The following TRPC4 variants were observed in gnomAD, a reference collection of about 807,000 sequenced individuals.
The protein encoded by TRPC4 is transient receptor potential cation channel subfamily C member 4.
In TRPC4, 49 loss-of-function variants were observed where a neutral mutation model predicts 99.4. That is an observed-to-expected ratio of 0.49 (90% CI 0.39 to 0.63). The LOEUF is 0.63. Ranked by LOEUF, TRPC4 falls within the 20% of genes least tolerant of loss-of-function variation. The pLI, the probability that TRPC4 is intolerant of heterozygous loss-of-function variation, is 0.00. For synonymous variants in TRPC4, 454 were observed against 425.9 expected (o/e 1.07, Z -0.81); for missense variants, 898 against 1,152.9 (o/e 0.78, Z 3.20).
chr13:37,804,868 A>C (rs1239440680), intron 1 of TRPC4, among the ~76,000 whole-genome samples: 1 of 152,078 alleles, frequency 6.6e-6, no homozygotes, highest in Non-Finnish European at 1.5e-5. Flanking sequence ...AAAGACACAT[A>C]AAAGATAATT....
intron 3 of TRPC4, among the ~76,000 whole-genome samples, chr13:37,709,832 A>G (rs1326635728): frequency 6.6e-6 from 1 of 152,028 alleles, no homozygotes; most frequent in Non-Finnish European, 1.5e-5. Context: ...TTTCTGGTAC[A>G]AGGAATATTT....
At chr13:37,706,342 T>A (rs1566110610) in intron 3 of TRPC4, among the ~76,000 whole-genome samples, 1 of 152,172 alleles carries the variant, frequency 6.6e-6, no homozygotes, top group Non-Finnish European at 1.5e-5. Flanking sequence ...AAGTTACACA[T>A]ATAATTAGCT....
chr13:37,835,751 C>A (rs767589352), intron 1 of TRPC4, among the ~76,000 whole-genome samples: 2 of 152,184 alleles, frequency 1.3e-5, no homozygotes, highest in Non-Finnish European at 2.9e-5. Flanking sequence ...ACATAAGGTG[C>A]ATGACATTAG....
intron 3 of TRPC4, among the ~76,000 whole-genome samples, chr13:37,745,456 A>ATATGCGTG (rs1289179797): frequency 1.0e-3 from 3 of 3,014 alleles, no homozygotes; most frequent in African/African-American, 1.6e-3. Context: ...ATATATATAT[A>ATATGCGTG]TATATATATA....
At position 37,733,476 on chromosome 13, in the gene TRPC4, G is replaced by A. The variant is rs143279535; in HGVS notation, c.897+12461C>T. ...ACTCAGATTTCTAACATGAATAACC[G>A]GGAGTGCCTCCTACTTTAACAGAGA... On this transcript the variant is annotated intron_variant, in intron 3 of 10. Coordinates refer to ENST00000379705, the MANE Select transcript of TRPC4 (RefSeq NM_016179.4). Among the ~76,000 whole-genome samples the A allele has an allele frequency of 7.0e-3, 1,070 of 152,186 alleles. 8 individuals are homozygous for A. The highest frequency in any genetic ancestry group is 0.028 in the South Asian group (136 of 4,822).
Position 37,651,542 on chromosome 13 carries a change from C to T in TRPC4, c.1885-83G>A, listed in dbSNP as rs1010411038. On this transcript the variant is annotated intron_variant, in intron 7 of 10. Coordinates refer to ENST00000379705, the MANE Select transcript of TRPC4 (RefSeq NM_016179.4). ...ATCTCACAGAGATCCTGTAACCTGA[C>T]TTCAAGCGGCTCTTGGAACATTAAT... is the stretch of plus-strand genomic sequence containing the variant. 1.5e-5 allele frequency: 18 copies of T among 1,232,294 alleles called. No individual in the cohort carries two copies. In the African/African-American group the frequency reaches 2.3e-4, roughly 15 times the overall value. The allele number at this position is 1,232,294 out of a possible 1,614,324, so 76.3% of individuals were successfully genotyped here. A position where few individuals can be genotyped will look rare whatever the true frequency, so the allele number is the denominator to read the frequency against.
At chr13:37,733,462 T>C (rs1272863350) in intron 3 of TRPC4, among the ~76,000 whole-genome samples, 1 of 152,176 alleles carries the variant, frequency 6.6e-6, no homozygotes, top group Non-Finnish European at 1.5e-5. Context: ...CTCAGATTTC[T>C]AACATGAATA....
intron 2 of TRPC4, among the ~76,000 whole-genome samples, chr13:37,757,213 T>C (rs1049484483): frequency 7.2e-5 from 11 of 152,192 alleles, no homozygotes; most frequent in Non-Finnish European, 1.6e-4. Context: ...GTAATAGTGA[T>C]ACGATAGGAA....
chr13:37,672,818 A>G (rs1462245939), intron 5 of TRPC4, among the ~76,000 whole-genome samples: 2 of 152,204 alleles, frequency 1.3e-5, no homozygotes, highest in Admixed American at 6.5e-5. Flanking sequence ...TAATAAAATT[A>G]CCAAATTATG....
At chr13:37,665,187 T>G (rs1161501957) in intron 5 of TRPC4, among the ~76,000 whole-genome samples, 1 of 152,150 alleles carries the variant, frequency 6.6e-6, no homozygotes, top group Non-Finnish European at 1.5e-5. Context: ...AAGACCAAGA[T>G]CACATTGTCC....
intron 1 of TRPC4, among the ~76,000 whole-genome samples, chr13:37,829,424 C>T (rs1958345643): frequency 6.6e-6 from 1 of 152,014 alleles, no homozygotes; most frequent in Non-Finnish European, 1.5e-5. Context: ...CACTTTGCAC[C>T]CACTGGGATA....
chr13:37,678,259 T>C (rs2138790951), intron 4 of TRPC4, among the ~76,000 whole-genome samples: 1 of 151,302 alleles, frequency 6.6e-6, no homozygotes, highest in South Asian at 2.1e-4. Context: ...AAGAAGAAAA[T>C]AACAAAGGTA....
intron 2 of TRPC4, among the ~76,000 whole-genome samples, chr13:37,763,650 T>C (rs894936723): frequency 2.0e-5 from 3 of 151,572 alleles, no homozygotes; most frequent in Admixed American, 6.6e-5. Flanking sequence ...TAGGCAGAGA[T>C]TGGACTAAAC....
intron 3 of TRPC4, among the ~76,000 whole-genome samples, chr13:37,745,515 TATAC>T (rs1348524349): frequency 0.018 from 2,207 of 121,388 alleles, 31 homozygotes; most frequent in Non-Finnish European, 0.025. Flanking sequence ...TATGTATATA[TATAC>T]GTATATATGT....
rs1278797965 is a variant in TRPC4 at position 37,845,254 on chromosome 13, A to C, written c.-28+24341T>G. Among the ~76,000 whole-genome samples the C allele has an allele frequency of 2.0e-5, 3 of 150,654 alleles. No homozygotes were observed. In the East Asian group the frequency reaches 5.8e-4, roughly 29 times the overall value. ...TGTAAGTACATGAGGATGATGAAAAATTAGGGAAATATGGCACCACCAAAA... is the reference window on the plus strand; with the variant it reads ...TGTAAGTACATGAGGATGATGAAAACTTAGGGAAATATGGCACCACCAAAA... On this transcript the variant is annotated intron_variant, in intron 1 of 10. Transcript: ENST00000379705.
At chr13:37,774,521 T>C (rs1306713374) in intron 2 of TRPC4, among the ~76,000 whole-genome samples, 2 of 151,810 alleles carry the variant, frequency 1.3e-5, no homozygotes, top group Non-Finnish European at 2.9e-5. Flanking sequence ...TAAACTTTTA[T>C]GTTCTGGGGT....
At chr13:37,849,736 G>C (rs1192938040) in intron 1 of TRPC4, among the ~76,000 whole-genome samples, 2 of 152,200 alleles carry the variant, frequency 1.3e-5, no homozygotes, top group Non-Finnish European at 2.9e-5. Context: ...GTTCAGCACT[G>C]ACAACCTAAC....
At chr13:37,844,403 T>G (rs1156250828) in intron 1 of TRPC4, among the ~76,000 whole-genome samples, 1 of 152,170 alleles carries the variant, frequency 6.6e-6, no homozygotes, top group East Asian at 1.9e-4. Flanking sequence ...CAAGCAATTA[T>G]CCTGCCTCAG....
intron 2 of TRPC4, among the ~76,000 whole-genome samples, chr13:37,757,003 T>A (rs1956114016): frequency 6.6e-6 from 1 of 152,006 alleles, no homozygotes; most frequent in South Asian, 2.1e-4. Context: ...AAGCATCCTG[T>A]GGACCCTAAT....
Sources: gnomAD v4.1 joint callset for allele counts (sites outside exome capture counted in the v4.1 genomes callset) on GRCh38, gnomAD v4.1.1 for gene constraint, MANE v1.5 for transcripts, NCBI Gene and HGNC (gene_info 2026-07-23, HGNC 2026-07-21) for gene names.